IRS1: variants seen among roughly 807,000 people sequenced by gnomAD.
IRS1 encodes insulin receptor substrate 1.
Under a neutral mutation model 65.6 loss-of-function variants are expected in IRS1, and 34 were observed. That is an observed-to-expected ratio of 0.52 (90% CI 0.39 to 0.69). The LOEUF (loss-of-function observed/expected upper bound fraction) is 0.69. IRS1 is among the 30% of genes least tolerant of loss of function. The probability of loss-of-function intolerance (pLI) is 0.00; values close to 1 mark genes in which losing one functional copy is unlikely to be tolerated. For synonymous variants in IRS1, 699 were observed against 683.5 expected (o/e 1.02, Z -0.35); for missense variants, 1,641 against 1,720.2 (o/e 0.95, Z 0.81).
chr2:226,736,464 C>T (rs1196586592), intron 1 of IRS1, among the ~76,000 whole-genome samples: 1 of 152,128 alleles, frequency 6.6e-6, no homozygotes, highest in Admixed American at 6.5e-5. Flanking sequence ...CAAAAGTCAT[C>T]AATGTGGAAT....
At chr2:226,780,156 G>T (rs557938670) in intron 1 of IRS1, among the ~76,000 whole-genome samples, 51 of 152,274 alleles carry the variant, frequency 3.3e-4, no homozygotes, top group African/African-American at 1.1e-3. Flanking sequence ...ACTTTGGGAG[G>T]CCGAGGCGGG....
chr2:226,784,994 T>C (rs1026943945), intron 1 of IRS1, among the ~76,000 whole-genome samples: 3 of 152,206 alleles, frequency 2.0e-5, no homozygotes, highest in African/African-American at 7.2e-5. Flanking sequence ...TGACAGGACA[T>C]CACTAGTGTA....
At chr2:226,752,026 A>G (rs1243410982) in intron 1 of IRS1, among the ~76,000 whole-genome samples, 1 of 152,234 alleles carries the variant, frequency 6.6e-6, no homozygotes, top group Non-Finnish European at 1.5e-5. Flanking sequence ...ATCATGGTCT[A>G]TAACAACTTC....
Position 226,798,341 on chromosome 2 carries a change from C to T in IRS1, c.398G>A (p.Gly133Glu). ...GAAALGAGGG[G>E]GSCSGSSGLG... ...GCCGGAGCTGCCGCTGCAGCTGCCC[C>T]CACCACCTCCCGCCCCGAGGGCCGC... The change falls in exon 1 of 2, where the codon GGG becomes GAG. Residue 133 changes from glycine (G) to glutamate (E), a missense_variant. By Grantham distance (98) the Gly-to-Glu change is moderately conservative. Coordinates refer to ENST00000305123, the MANE Select transcript of IRS1 (RefSeq NM_005544.3). The surrounding 1 kb of genome is among the most constrained non-coding windows in gnomAD (Gnocchi z 9.4). The T allele has an allele frequency of 6.2e-7, 1 of 1,613,466 alleles. No homozygotes were observed. The highest frequency in any genetic ancestry group is 1.1e-5 in the South Asian group (1 of 91,074).
chr2:226,751,585 G>A (rs1398631464), intron 1 of IRS1, among the ~76,000 whole-genome samples: 3 of 152,038 alleles, frequency 2.0e-5, no homozygotes, highest in Non-Finnish European at 4.4e-5. Context: ...GCCCGGCCGG[G>A]TATTTTTTTT....
chr2:226,758,611 A>G (rs1482367472), intron 1 of IRS1, among the ~76,000 whole-genome samples: 1 of 152,182 alleles, frequency 6.6e-6, no homozygotes. Context: ...TCAGACAATT[A>G]CTTTGATCCC....
chr2:226,748,881 T>A (rs755221585), intron 1 of IRS1, among the ~76,000 whole-genome samples: 9 of 152,144 alleles, frequency 5.9e-5, no homozygotes, highest in Non-Finnish European at 1.0e-4. Context: ...AACAAGTTGA[T>A]TTCCAGGTGG....
chr2:226,743,377 A>C (rs1032421885), intron 1 of IRS1, among the ~76,000 whole-genome samples: 10 of 151,934 alleles, frequency 6.6e-5, no homozygotes, highest in Non-Finnish European at 1.3e-4. Flanking sequence ...TTACAGGTGC[A>C]CACCACCACA....
Position 226,781,324 on chromosome 2 carries a change from A to G in IRS1, c.*21+13665T>C, listed in dbSNP as rs147749927. Among the ~76,000 whole-genome samples the G allele has an allele frequency of 1.1e-3, 164 of 152,304 alleles. 1 individual carries two copies. In the East Asian group the frequency reaches 0.026, roughly 24 times the overall value. ...ACTTCTGCCATTATTTTTAAAAATA[A>G]TATTTCCCATCCACAAAAAAGGAAA... is the stretch of plus-strand genomic sequence containing the variant. On this transcript the variant is annotated intron_variant, in intron 1 of 1. Transcript: ENST00000305123.
Position 226,798,126 on chromosome 2 carries a change from C to A in IRS1, c.613G>T (p.Val205Leu). ...CGCCTGATGTTCATCAGCTGCAGCA[C>A]CACGGCCGCTGCCTCCGAGTTCAGC... ...VKLNSEAAAV[V>L]LQLMNIRRCG... The change falls in exon 1 of 2, where the codon GTG becomes TTG. Residue 205 changes from valine to leucine, a missense_variant. By Grantham distance (32) the Val-to-Leu change is conservative. Coordinates refer to ENST00000305123, the MANE Select transcript of IRS1 (RefSeq NM_005544.3). The surrounding 1 kb of genome is among the most constrained non-coding windows in gnomAD (Gnocchi z 9.4). The A allele has an allele frequency of 6.2e-7, 1 of 1,613,984 alleles. No homozygotes were observed. The highest frequency in any genetic ancestry group is 8.5e-7 in the Non-Finnish European group (1 of 1,180,028).
At chr2:226,785,598 G>T (rs189578542) in intron 1 of IRS1, among the ~76,000 whole-genome samples, 3 of 152,094 alleles carry the variant, frequency 2.0e-5, no homozygotes, top group African/African-American at 4.8e-5. Context: ...GTGAGACTCC[G>T]TCTCAAAAAG....
intron 1 of IRS1, among the ~76,000 whole-genome samples, chr2:226,790,201 G>A (rs1305296520): frequency 6.6e-6 from 1 of 152,172 alleles, no homozygotes; most frequent in Non-Finnish European, 1.5e-5. Context: ...GAAATTAAGT[G>A]ACTTGCCCAA....
chr2:226,774,373 T>G (rs16822627), intron 1 of IRS1, among the ~76,000 whole-genome samples: 13,881 of 152,122 alleles, frequency 0.091, 1,189 homozygotes, highest in African/African-American at 0.23. Context: ...AAGTTCTGTC[T>G]CTGAAAAAGT....
chr2:226,764,129 C>T (rs1455985589), intron 1 of IRS1, among the ~76,000 whole-genome samples: 1 of 151,762 alleles, frequency 6.6e-6, no homozygotes, highest in Non-Finnish European at 1.5e-5. Context: ...TTTATTATTT[C>T]CCCCCATACT....
intron 1 of IRS1, among the ~76,000 whole-genome samples, chr2:226,772,224 C>T (rs1324659906): frequency 6.6e-6 from 1 of 152,118 alleles, no homozygotes; most frequent in Non-Finnish European, 1.5e-5. Flanking sequence ...ATAACTCAAA[C>T]CATGACAAAC....
intron 1 of IRS1, among the ~76,000 whole-genome samples, chr2:226,744,649 G>A (rs970329789): frequency 1.2e-4 from 18 of 152,290 alleles, no homozygotes; most frequent in African/African-American, 4.3e-4. Context: ...ACCCTATCAT[G>A]AACCGTGTAT....
rs776626811 is a variant in IRS1 at position 226,796,604 on chromosome 2, G to A, written c.2135C>T (p.Pro712Leu). ...GVGGHHSHVLPHPKPPVESSG... is the reference protein window; with the variant it reads ...GVGGHHSHVLLHPKPPVESSG... Reference sequence around the variant, plus strand: ...GCTCTCCACTGGGGGTTTGGGGTGAGGCAAGACATGAGAGTGGTGGCCCCC... The same window carrying A: ...GCTCTCCACTGGGGGTTTGGGGTGAAGCAAGACATGAGAGTGGTGGCCCCC... Residue 712 changes from proline to leucine, a missense_variant, in exon 1 of 2, where the codon CCT (proline) becomes CTT (leucine). Physicochemically the swap from Pro to Leu is moderately conservative, Grantham distance 98. Around this residue, in one of 3 missense-constraint regions of IRS1, gnomAD observed 1,324 missense variants for 1,361.0 expected, o/e 0.97. Transcript: ENST00000305123. The A allele has an allele frequency of 2.5e-6, 4 of 1,614,046 alleles. No homozygotes were observed. Among genetic ancestry groups the A allele is most frequent in the Non-Finnish European group, 3.4e-6 (4 of 1,179,960 alleles).
chr2:226,796,418 G>C lies in IRS1; in HGVS notation c.2321C>G (p.Thr774Ser), dbSNP rs745446733. 7 of 1,613,456 alleles carry C rather than the reference G, an allele frequency of 4.3e-6. No homozygotes were observed. In the South Asian group the frequency reaches 6.6e-5, roughly 15 times the overall value. The change falls in exon 1 of 2, where the codon ACC becomes AGC. Residue 774 changes from threonine to serine, a missense_variant. By Grantham distance (58) the Thr-to-Ser change is moderately conservative. This residue lies in a region of IRS1 where 1,324 missense variants were observed against 1,361.0 expected (regional missense o/e 0.97). Transcript: ENST00000305123. ...YYSLPRSFKH[T>S]QRPGEPEEGA... is the part of the protein sequence containing the mutation. Reference sequence around the variant, plus strand: ...CTCCTCCGGCTCCCCGGGGCGCTGGGTGTGCTTAAAGGATCTTGGCAATGA... The same window carrying C: ...CTCCTCCGGCTCCCCGGGGCGCTGGCTGTGCTTAAAGGATCTTGGCAATGA...
chr2:226,798,410 A>C lies in IRS1; in HGVS notation c.329T>G (p.Leu110Arg). 1 of 1,614,032 alleles carries C rather than the reference A, an allele frequency of 6.2e-7. No individual in the cohort carries two copies. The highest frequency in any genetic ancestry group is 8.5e-7 in the Non-Finnish European group (1 of 1,180,002). ...EAEQDSWYQA[L>R]LQLHNRAKGH... Reference sequence around the variant, plus strand: ...CTTAGCACGGTTGTGCAGCTGTAGGAGAGCCTGGTACCAGCTGTCTTGCTC... The same window carrying C: ...CTTAGCACGGTTGTGCAGCTGTAGGCGAGCCTGGTACCAGCTGTCTTGCTC... The change falls in exon 1 of 2, where the codon CTC becomes CGC. Residue 110 changes from leucine to arginine, a missense_variant. Coordinates refer to ENST00000305123, the MANE Select transcript of IRS1 (RefSeq NM_005544.3). The surrounding 1 kb of genome is among the most constrained non-coding windows in gnomAD (Gnocchi z 9.4).
Sources: gnomAD v4.1 joint callset for allele counts (sites outside exome capture counted in the v4.1 genomes callset) on GRCh38, gnomAD v4.1.1 for gene constraint, gnomAD v4.1.1 regional missense constraint, Gnocchi (gnomAD v3.1) non-coding constraint, MANE v1.5 for transcripts, NCBI Gene and HGNC (gene_info 2026-07-23, HGNC 2026-07-21) for gene names.